CACNB2: variants seen among roughly 807,000 people sequenced by gnomAD.
CACNB2 encodes the protein voltage-dependent L-type calcium channel subunit beta-2.
Under a neutral mutation model 73.3 loss-of-function variants are expected in CACNB2, and 42 were observed. That is an observed-to-expected ratio of 0.57 (90% CI 0.45 to 0.74). The LOEUF (loss-of-function observed/expected upper bound fraction) is 0.74, where lower values mean the gene tolerates loss of function less well. CACNB2 is among the 30% of genes least tolerant of loss of function. The pLI is 0.00. For synonymous variants in CACNB2, 348 were observed against 310.3 expected (o/e 1.12, Z -1.28); for missense variants, 940 against 853.0 (o/e 1.10, Z -1.27).
chr10:18,240,931 A>AC (rs1188302150), intron 2 of CACNB2, among the ~76,000 whole-genome samples: 1 of 152,188 alleles, frequency 6.6e-6, no homozygotes, highest in Non-Finnish European at 1.5e-5. Context: ...CCCAGTGAAA[A>AC]GAAAAACACA....
intron 2 of CACNB2, among the ~76,000 whole-genome samples, chr10:18,290,639 T>C (rs1395235898): frequency 1.3e-5 from 2 of 152,242 alleles, no homozygotes; most frequent in African/African-American, 4.8e-5. Flanking sequence ...TCTATTTGTT[T>C]CTGAGCAGCT....
At chr10:18,317,935 C>T (rs1023112391) in intron 2 of CACNB2, among the ~76,000 whole-genome samples, 12 of 152,132 alleles carry the variant, frequency 7.9e-5, no homozygotes, top group African/African-American at 2.9e-4. Context: ...TGAAGTACCT[C>T]TTCAAGGAGA....
intron 3 of CACNB2, among the ~76,000 whole-genome samples, chr10:18,492,755 C>T (rs1020127936): frequency 6.6e-6 from 1 of 151,956 alleles, no homozygotes; most frequent in African/African-American, 2.4e-5. Context: ...ACTTTAACAG[C>T]GAGTTAGTTT....
intron 2 of CACNB2, among the ~76,000 whole-genome samples, chr10:18,172,364 A>G (rs553118662): frequency 6.6e-6 from 1 of 152,344 alleles, no homozygotes; most frequent in African/African-American, 2.4e-5. Flanking sequence ...ACTCCTTCTC[A>G]AAAGAGGCAA....
intron 3 of CACNB2, among the ~76,000 whole-genome samples, chr10:18,441,115 A>G (rs1412175565): frequency 6.6e-6 from 1 of 152,148 alleles, no homozygotes; most frequent in East Asian, 1.9e-4. Flanking sequence ...CCAGTTTAAT[A>G]ACCATCCGGC....
intron 2 of CACNB2, among the ~76,000 whole-genome samples, chr10:18,184,499 C>G (rs1001922765): frequency 2.6e-5 from 4 of 152,200 alleles, no homozygotes; most frequent in African/African-American, 4.8e-5. Flanking sequence ...TACTGATATA[C>G]TAACCAACTA....
chr10:18,276,593 T>A (rs959296722), intron 2 of CACNB2, among the ~76,000 whole-genome samples: 4 of 151,958 alleles, frequency 2.6e-5, no homozygotes, highest in Non-Finnish European at 5.9e-5. Flanking sequence ...GGATTTTTTT[T>A]TTTTAAGATG....
rs1479830246 is a variant in CACNB2, at chr10:18,514,263, A to G, written c.698A>G (p.Asp233Gly). The G allele has an allele frequency of 6.2e-7, 1 of 1,614,004 alleles. No individual in the cohort carries two copies. The highest frequency in any genetic ancestry group is 2.2e-5 in the East Asian group (1 of 44,884). ...ATAGACATAGATGCTACTGGCTTAG[A>G]TGCAGAAGAAAATGATATTCCAGCA... ...SAIDIDATGL[D>G]AEENDIPANH... is the part of the protein sequence containing the mutation. Residue 233 changes from aspartate to glycine, a missense_variant, in exon 7 of 14, where the codon GAT (aspartate) becomes GGT (glycine). By Grantham distance (94) the Asp-to-Gly change is moderately conservative (BLOSUM62 -1). Coordinates refer to ENST00000324631, the MANE Select transcript of CACNB2 (RefSeq NM_201596.3).
At chr10:18,160,868 G>T (rs1456393419) in intron 2 of CACNB2, among the ~76,000 whole-genome samples, 2 of 152,116 alleles carry the variant, frequency 1.3e-5, no homozygotes, top group East Asian at 1.9e-4. Context: ...ATTTTTGAGG[G>T]TTCAGTATTG....
rs2032953177 is a variant in CACNB2 at position 18,167,730 on chromosome 10, TG to T, written c.213+16761del. ...ACAGAATGGCGCAGGGGGTAGCCGTTGGGGGGAGAAGTAGTTCAGCTTGCTC... is the reference window on the plus strand; with the variant it reads ...ACAGAATGGCGCAGGGGGTAGCCGTTGGGGGAGAAGTAGTTCAGCTTGCTC... On this transcript the variant is annotated intron_variant, in intron 2 of 13. Coordinates refer to ENST00000324631, the MANE Select transcript of CACNB2 (RefSeq NM_201596.3). Among the ~76,000 whole-genome samples, 3 of 152,148 alleles carry T rather than the reference TG, an allele frequency of 2.0e-5. No homozygotes were observed. The South Asian group carries it at 6.2e-4, about 32-fold the overall frequency.
chr10:18,220,453 G>A (rs570110154), intron 2 of CACNB2, among the ~76,000 whole-genome samples: 2 of 151,064 alleles, frequency 1.3e-5, no homozygotes, highest in South Asian at 4.2e-4. Flanking sequence ...TTTTTAACAG[G>A]GTTTCACCAT....
chr10:18,310,430 A>AC (rs911009504), intron 2 of CACNB2, among the ~76,000 whole-genome samples: 2 of 149,716 alleles, frequency 1.3e-5, no homozygotes, highest in African/African-American at 2.5e-5. Flanking sequence ...ACATGGAGAA[A>AC]CCCCATCTCC....
At chr10:18,344,848 A>C (rs7919793) in intron 2 of CACNB2, among the ~76,000 whole-genome samples, 1 of 152,112 alleles carries the variant, frequency 6.6e-6, no homozygotes, top group African/African-American at 2.4e-5. Context: ...CAAGCTCACC[A>C]TGCTGTGGTC....
intron 3 of CACNB2, among the ~76,000 whole-genome samples, chr10:18,455,993 T>TAC (rs2047258745): frequency 6.6e-6 from 1 of 152,234 alleles, no homozygotes; most frequent in Non-Finnish European, 1.5e-5. Flanking sequence ...TTTGTGCAGT[T>TAC]ACACCGGAAA....
At position 18,503,212 on chromosome 10, in the gene CACNB2, C is replaced by T. The variant is rs75292074; in HGVS notation, c.593+2264C>T. Among the ~76,000 whole-genome samples, 673 of 152,258 alleles carry T rather than the reference C, an allele frequency of 4.4e-3. 8 individuals are homozygous for T. The highest frequency in any genetic ancestry group is 0.015 in the African/African-American group (639 of 41,542). ...TCTGCCTGCAGGGTGTTTGAAGACC[C>T]GATAGGATTCTTTCAATCCTTAATG... On this transcript the variant is annotated intron_variant, in intron 5 of 13. Coordinates refer to ENST00000324631, the MANE Select transcript of CACNB2 (RefSeq NM_201596.3).
chr10:18,505,162 A>G (rs1388418526), intron 5 of CACNB2, among the ~76,000 whole-genome samples: 2 of 152,250 alleles, frequency 1.3e-5, no homozygotes, highest in East Asian at 3.9e-4. Flanking sequence ...ACAATTTTAC[A>G]TAAATAATAT....
chr10:18,257,236 C>G (rs1191094502), intron 2 of CACNB2: 1 of 152,206 alleles, frequency 6.6e-6, no homozygotes, highest in Non-Finnish European at 1.5e-5. Context: ...TGCCCATTGA[C>G]CAGAATCTAG....
At chr10:18,199,400 GA>G (rs1162974663) in intron 2 of CACNB2, among the ~76,000 whole-genome samples, 1 of 152,136 alleles carries the variant, frequency 6.6e-6, no homozygotes, top group Non-Finnish European at 1.5e-5. Context: ...CTGATATTTT[GA>G]AGGTAGGGTG....
intron 2 of CACNB2, among the ~76,000 whole-genome samples, chr10:18,358,004 G>A (rs911083737): frequency 6.6e-6 from 1 of 152,178 alleles, no homozygotes; most frequent in African/African-American, 2.4e-5. Flanking sequence ...TTGTCGCAGT[G>A]CATGGCAAAT....
Sources: gnomAD v4.1 joint callset for allele counts (sites outside exome capture counted in the v4.1 genomes callset) on GRCh38, gnomAD v4.1.1 for gene constraint, MANE v1.5 for transcripts, NCBI Gene and HGNC (gene_info 2026-07-23, HGNC 2026-07-21) for gene names.